GHR: variants seen among roughly 807,000 people sequenced by gnomAD.
GHR encodes GH receptor.
A neutral mutation model predicts 67.1 loss-of-function variants in GHR; 35 were observed. The observed-to-expected ratio is 0.52, with a 90% CI of 0.40 to 0.69. The LOEUF is 0.69. Ranked by LOEUF, GHR falls within the 30% of genes least tolerant of loss-of-function variation. GHR has a pLI of 0.00. For missense variants in GHR, 792 were observed against 764.6 expected (o/e 1.04, Z -0.42); for synonymous variants, 272 against 269.1 (o/e 1.01, Z -0.10).
chr5:42,536,990 G>T (rs1420011889), intron 1 of GHR, among the ~76,000 whole-genome samples: 1 of 152,042 alleles, frequency 6.6e-6, no homozygotes, highest in African/African-American at 2.4e-5. Context: ...TTATATTTCA[G>T]TGGTGTCAGT....
At chr5:42,448,463 T>C (rs1029543767) in intron 1 of GHR, among the ~76,000 whole-genome samples, 1 of 151,996 alleles carries the variant, frequency 6.6e-6, no homozygotes, top group Admixed American at 6.6e-5. Flanking sequence ...TCTTGCTAAT[T>C]TGTTTGAGTT....
At chr5:42,583,010 G>A (rs866480618) in intron 2 of GHR, among the ~76,000 whole-genome samples, 1 of 151,976 alleles carries the variant, frequency 6.6e-6, no homozygotes, top group African/African-American at 2.4e-5. Context: ...AGCGCAACCC[G>A]AGCATAGCCT....
chr5:42,681,978 A>G (rs1481289639), intron 3 of GHR, among the ~76,000 whole-genome samples: 7 of 149,878 alleles, frequency 4.7e-5, no homozygotes, highest in African/African-American at 1.7e-4. Context: ...ACGTACGTTT[A>G]CTGCAGCACT....
chr5:42,447,253 G>T (rs376806072), intron 1 of GHR, among the ~76,000 whole-genome samples: 2 of 152,220 alleles, frequency 1.3e-5, no homozygotes, highest in South Asian at 4.1e-4. Flanking sequence ...CACCCAAGCA[G>T]TATACACTGT....
chr5:42,476,625 A>G (rs1745335452), intron 1 of GHR, among the ~76,000 whole-genome samples: 1 of 152,246 alleles, frequency 6.6e-6, no homozygotes, highest in Non-Finnish European at 1.5e-5. Flanking sequence ...TTGTTGGAAA[A>G]TGATTCTCCT....
At chr5:42,542,754 C>G (rs770597607) in intron 1 of GHR, among the ~76,000 whole-genome samples, 92 of 152,118 alleles carry the variant, frequency 6.0e-4, no homozygotes, top group Non-Finnish European at 9.1e-4. Context: ...GTACATTGCA[C>G]CCAATATACA....
intron 8 of GHR, 142 bp from the exon 9 acceptor site, chr5:42,717,910 G>T: frequency 8.6e-6 from 5 of 583,326 alleles, no homozygotes; most frequent in East Asian, 3.0e-5. Context: ...ATTTTCTTCT[G>T]TTTCTCACAC....
intron 1 of GHR, among the ~76,000 whole-genome samples, chr5:42,474,257 C>CAGAAAGAAAGAAAGAA (rs202146050): frequency 0.043 from 3,757 of 87,760 alleles, 100 homozygotes; most frequent in Middle Eastern, 0.1. Flanking sequence ...GAAAGACAGA[C>CAGAAAGAAAGAAAGAA]AGAAAGAAAG....
chr5:42,467,489 G>A lies in GHR; in HGVS notation c.-12+43534G>A, dbSNP rs7702961. On this transcript the variant is annotated intron_variant, in intron 1 of 9. Coordinates refer to ENST00000230882, the MANE Select transcript of GHR (RefSeq NM_000163.5). ...TTACAGCATTTTTCTGTAATGTGGAGTTTCTGGTGCCGAGCAAGTTGTGAG... is the reference window on the plus strand; with the variant it reads ...TTACAGCATTTTTCTGTAATGTGGAATTTCTGGTGCCGAGCAAGTTGTGAG... The A allele has an allele frequency of 5.3e-3, 5,535 of 1,049,920 alleles. 193 individuals are homozygous for A. In the African/African-American group the frequency reaches 0.077, roughly 15 times the overall value. The allele number at this position is 1,049,920 out of a possible 1,614,324, so 65.0% of individuals were successfully genotyped here.
intron 1 of GHR, chr5:42,465,478 T>G (rs1395582106): frequency 2.1e-5 from 33 of 1,577,304 alleles, no homozygotes; most frequent in African/African-American, 2.7e-5. Context: ...CTTTTACCTC[T>G]TCAACTTCAT....
intron 1 of GHR, chr5:42,468,054 A>G: frequency 1.1e-6 from 1 of 881,248 alleles, no homozygotes; most frequent in Middle Eastern, 2.3e-4. Context: ...ATTCTTCCTA[A>G]TATGATGCGG....
At chr5:42,612,169 G>T (rs1752923119) in intron 2 of GHR, among the ~76,000 whole-genome samples, 1 of 152,160 alleles carries the variant, frequency 6.6e-6, no homozygotes, top group East Asian at 1.9e-4. Flanking sequence ...CTGCAAATTT[G>T]GTCTTTCTGA....
rs570843300 is a variant in GHR at position 42,551,238 on chromosome 5, C to T, written c.-11-14626C>T. On this transcript the variant is annotated intron_variant, in intron 1 of 9. Transcript: ENST00000230882. ...AGGCACCAAGAGCTCATCTGTTACA[C>T]CCACAGGGATTTATCATCTTGTGAC... Among the ~76,000 whole-genome samples the T allele has an allele frequency of 5.3e-5, 8 of 152,218 alleles. No individual in the cohort carries two copies. The East Asian group carries it at 1.4e-3, about 26-fold the overall frequency.
rs372348782 is a variant in GHR, at chr5:42,496,594, C to T, written c.-11-69270C>T. ...TTATGACGTTTATAAGTGTCAGGTA[C>T]GTCTTGTCCCACAGAATACTTGTTA... is the stretch of plus-strand genomic sequence containing the variant. On this transcript the variant is annotated intron_variant, in intron 1 of 9. Coordinates refer to ENST00000230882, the MANE Select transcript of GHR (RefSeq NM_000163.5). Among the ~76,000 whole-genome samples, 13 of 152,156 alleles carry T rather than the reference C, an allele frequency of 8.5e-5. No individual in the cohort carries two copies. In the East Asian group the frequency reaches 1.2e-3, roughly 14 times the overall value.
intron 3 of GHR, among the ~76,000 whole-genome samples, chr5:42,639,357 A>G (rs1238260711): frequency 6.6e-6 from 1 of 152,180 alleles, no homozygotes; most frequent in Non-Finnish European, 1.5e-5. Flanking sequence ...AACCTCACAG[A>G]ATCATAATAG....
At chr5:42,614,841 G>A (rs1338368748) in intron 2 of GHR, among the ~76,000 whole-genome samples, 1 of 151,864 alleles carries the variant, frequency 6.6e-6, no homozygotes, top group South Asian at 2.1e-4. Context: ...TTCTTCCTAG[G>A]TTTGTTTACA....
intron 1 of GHR, among the ~76,000 whole-genome samples, chr5:42,452,120 T>G (rs1744076441): frequency 6.6e-6 from 1 of 152,210 alleles, no homozygotes; most frequent in Admixed American, 6.5e-5. Context: ...CCCTCAACAT[T>G]TGTTAGTCTG....
intron 1 of GHR, among the ~76,000 whole-genome samples, chr5:42,529,385 A>G (rs1462872139): frequency 6.6e-6 from 1 of 152,184 alleles, no homozygotes; most frequent in Admixed American, 6.5e-5. Context: ...GCTTCATTGC[A>G]GTGGTCCGGA....
intron 3 of GHR, among the ~76,000 whole-genome samples, chr5:42,644,477 C>T (rs149929459): frequency 1.7e-4 from 26 of 152,094 alleles, no homozygotes; most frequent in Admixed American, 3.9e-4. Context: ...GGGAGAATCA[C>T]GGATTTATAC....
Sources: gnomAD v4.1 joint callset for allele counts (sites outside exome capture counted in the v4.1 genomes callset) on GRCh38, gnomAD v4.1.1 for gene constraint, MANE v1.5 for transcripts, NCBI Gene and HGNC (gene_info 2026-07-23, HGNC 2026-07-21) for gene names.